THSD1: variants seen among roughly 807,000 people sequenced by gnomAD.
The protein encoded by THSD1 is thrombospondin type-1 domain-containing protein 1.
In THSD1, 34 loss-of-function variants were observed where a neutral mutation model predicts 46.3. The observed-to-expected ratio is 0.74, with a 90% CI of 0.56 to 0.98. THSD1 has a LOEUF of 0.98. Ranked by LOEUF, THSD1 falls within the 50% of genes least tolerant of loss-of-function variation. The pLI, the probability that THSD1 is intolerant of heterozygous loss-of-function variation, is 0.00. For missense variants in THSD1, 1,023 were observed against 1,058.3 expected, an observed-to-expected ratio of 0.97 and a Z score of 0.46; for synonymous variants, 407 against 416.5, an observed-to-expected ratio of 0.98 and a Z score of 0.28.
rs775492022 is a variant in THSD1, at chr13:52,378,502, C to T, written c.1468G>A (p.Gly490Arg). The T allele has an allele frequency of 6.2e-7, 1 of 1,614,200 alleles. No homozygotes were observed. Among genetic ancestry groups the T allele is most frequent in the South Asian group, 1.1e-5 (1 of 91,084 alleles). Reference protein sequence around the residue: ...DGGDGPTGSPGDTGIPLTYRR... With the variant: ...DGGDGPTGSPRDTGIPLTYRR... ...TAGGTCAGAGGGATGCCTGTGTCCC[C>T]TGGACTCCCCGTGGGCCCGTCTCCC... Residue 490 changes from glycine (G) to arginine (R), a missense_variant, in exon 5 of 5, where the codon GGG (glycine) becomes AGG (arginine). This residue lies in a region of THSD1 where 578 missense variants were observed against 497.4 expected (regional missense o/e 1.16). Transcript: ENST00000258613.
At position 52,378,657 on chromosome 13, in the gene THSD1, C is replaced by T; in HGVS notation, c.1313G>A (p.Arg438Lys). The change falls in exon 5 of 5, where the codon AGG (arginine) becomes AAG (lysine). Residue 438 changes from arginine (R) to lysine (K), a missense_variant. Physicochemically the swap from Arg to Lys is conservative, Grantham distance 26. Transcript: ENST00000258613. Reference protein sequence around the residue: ...IATVLITLWRRFGRPAKCSTP... With the variant: ...IATVLITLWRKFGRPAKCSTP... ...GCTGCACTTGGCTGGCCGGCCGAAC[C>T]TCCTCCACAGCGTGATGAGCACAGT... The T allele has an allele frequency of 6.2e-7, 1 of 1,614,078 alleles. No homozygotes were observed. Among genetic ancestry groups the T allele is most frequent in the African/African-American group, 1.3e-5 (1 of 74,994 alleles).
intron 4 of THSD1, among the ~76,000 whole-genome samples, chr13:52,379,109 G>T (rs1294555290): frequency 6.6e-6 from 1 of 151,992 alleles, no homozygotes; most frequent in Non-Finnish European, 1.5e-5. Context: ...TGATCCACCC[G>T]CCTTGGCCTC....
chr13:52,402,000 A>C (rs1000182045), intron 2 of THSD1, among the ~76,000 whole-genome samples: 4 of 152,218 alleles, frequency 2.6e-5, no homozygotes, highest in Non-Finnish European at 5.9e-5. Context: ...AGCACCTACT[A>C]TTTGCTCATT....
rs1441132315 is a variant in THSD1, at chr13:52,381,074, TCTCA to T, written c.1181-2289_1181-2286del. Among the ~76,000 whole-genome samples, 7 of 152,278 alleles carry T rather than the reference TCTCA, an allele frequency of 4.6e-5. No homozygotes were observed. In the East Asian group the frequency reaches 7.7e-4, roughly 17 times the overall value. On this transcript the variant is annotated intron_variant, in intron 4 of 4. Transcript: ENST00000258613. ...CCCACTCTCTAGCTGTGTTCACTACTCTCACTCACTCACTATTACTACATTAAGA... is the reference window on the plus strand; with the variant it reads ...CCCACTCTCTAGCTGTGTTCACTACTCTCACTCACTATTACTACATTAAGA...
rs143493268 is a variant in THSD1 at position 52,378,183 on chromosome 13, G to C, written c.1787C>G (p.Ala596Gly). ...GGGAGGCCTTTCCCCGGCACTGACCGCGGGCTGCTCCGGAAATGGGGATTT... is the reference window on the plus strand; with the variant it reads ...GGGAGGCCTTTCCCCGGCACTGACCCCGGGCTGCTCCGGAAATGGGGATTT... ...RIKSPFPEQP[A>G]VSAGERPPSR... Residue 596 changes from alanine (A) to glycine (G), a missense_variant, in exon 5 of 5, where the codon GCG (alanine) becomes GGG (glycine). Transcript: ENST00000258613. The C allele has an allele frequency of 2.5e-6, 4 of 1,614,078 alleles. No individual in the cohort carries two copies. Among genetic ancestry groups the C allele is most frequent in the Non-Finnish European group, 3.4e-6 (4 of 1,180,038 alleles).
At position 52,383,389 on chromosome 13, in the gene THSD1, T is replaced by C. The variant is rs1022519266; in HGVS notation, c.1180+2639A>G. On this transcript the variant is annotated intron_variant, in intron 4 of 4. Coordinates refer to ENST00000258613, the MANE Select transcript of THSD1 (RefSeq NM_018676.4). Reference sequence around the variant, plus strand: ...ATAGACCATATAATGTAGAACTACATTCAGACCTTGGCATAAGAACATTCT... The same window carrying C: ...ATAGACCATATAATGTAGAACTACACTCAGACCTTGGCATAAGAACATTCT... 7.1e-4 allele frequency among the ~76,000 whole-genome samples: 108 copies of C among 152,344 alleles called. 3 individuals carry two copies. The highest frequency in any genetic ancestry group is 8.8e-5 in the Non-Finnish European group (6 of 68,036).
chr13:52,384,376 C>T (rs1225105322), intron 4 of THSD1: 2 of 455,846 alleles, frequency 4.4e-6, no homozygotes, highest in Non-Finnish European at 8.8e-6. Flanking sequence ...TTTCTAGCTT[C>T]ATGATCTTGG....
chr13:52,390,764 A>G (rs1383029917), intron 3 of THSD1, among the ~76,000 whole-genome samples: 1 of 152,192 alleles, frequency 6.6e-6, no homozygotes, highest in Non-Finnish European at 1.5e-5. Context: ...CTCCATGCTC[A>G]TATTTAGGAC....
rs1212111393 is a variant in THSD1, at chr13:52,397,371, C to A, written c.882G>T (p.Leu294=). 2 of 1,614,178 alleles carry A rather than the reference C, an allele frequency of 1.2e-6. No individual in the cohort carries two copies. The highest frequency in any genetic ancestry group is 4.5e-5 in the East Asian group (2 of 44,880). The change falls in exon 3 of 5, where the codon CTG becomes CTT. Residue 294 remains leucine, a synonymous_variant. Transcript: ENST00000258613. ...AAATTGTCCTCCTCTCTCCCAGGGGCAGGCTGTTTTCAGCCAAGTGAATGG... is the reference window on the plus strand; with the variant it reads ...AAATTGTCCTCCTCTCTCCCAGGGGAAGGCTGTTTTCAGCCAAGTGAATGG... ...KRTIHLAENS[L]PLGERRTIFN...
rs1218887324 is a variant in THSD1 at position 52,397,468 on chromosome 13, G to T, written c.785C>A (p.Pro262His). The change falls in exon 3 of 5, where the codon CCT becomes CAT. Residue 262 changes from proline (P) to histidine (H), a missense_variant. By Grantham distance (77) the Pro-to-His change is moderately conservative. This residue lies in a region of THSD1 where 429 missense variants were observed against 518.3 expected (regional missense o/e 0.83). Coordinates refer to ENST00000258613, the MANE Select transcript of THSD1 (RefSeq NM_018676.4). The part of the protein sequence containing the change: ...CESGVEVTVL[P>H]PPCTFVQGVV... The stretch of plus-strand genomic sequence containing the variant: ...TCCTTGGACGAAGGTGCATGGTGGA[G>T]GCAGCACTGTCACCTCTACCCCGGA... 6.2e-7 allele frequency: 1 copy of T among 1,614,126 alleles called. No individual in the cohort carries two copies. Among genetic ancestry groups the T allele is most frequent in the Non-Finnish European group, 8.5e-7 (1 of 1,180,024 alleles).
intron 3 of THSD1, among the ~76,000 whole-genome samples, chr13:52,394,921 C>T (rs1003876905): frequency 4.6e-5 from 7 of 152,080 alleles, no homozygotes; most frequent in African/African-American, 4.8e-5. Context: ...CAAAGAGGAA[C>T]GAAAAGATGC....
rs756804333 is a variant in THSD1, at chr13:52,397,517, T to C, written c.736A>G (p.Met246Val). 3.3e-5 allele frequency: 54 copies of C among 1,614,120 alleles called. No individual in the cohort carries two copies. Among genetic ancestry groups the C allele is most frequent in the Non-Finnish European group, 4.4e-5 (52 of 1,180,020 alleles). The change falls in exon 3 of 5, where the codon ATG becomes GTG. Residue 246 changes from methionine (M) to valine (V), a missense_variant. Met to Val is a conservative substitution (Grantham distance 21). Transcript: ENST00000258613. ...LAQKFGYKLV[M>V]VPELTCESGV... ...GACTCACATGTGAGTTCTGGCACCA[T>C]CACCAGTTTGTATCCAAATTTCTGG...
chr13:52,377,833 G>A lies in THSD1; in HGVS notation c.2137C>T (p.Gln713Ter). 1.9e-6 allele frequency: 3 copies of A among 1,614,190 alleles called. No homozygotes were observed. The highest frequency in any genetic ancestry group is 2.5e-6 in the Non-Finnish European group (3 of 1,180,046). ...GGACCACGGGTTCCACTTGCCTCTT[G>A]GAAATGCTCCAGTTTTTCAGGAAAC... ...HLFPEKLEHF[Q>*]EASGTRGPLN... is the part of the protein sequence containing the mutation. Residue 713 changes from glutamine to a stop codon, truncating the protein, a stop_gained, in exon 5 of 5, where the codon CAA (glutamine) becomes TAA (stop). Transcript: ENST00000258613. LOFTEE classifies it high-confidence loss of function.
At chr13:52,395,185 A>C (rs1957802507) in intron 3 of THSD1, among the ~76,000 whole-genome samples, 1 of 152,232 alleles carries the variant, frequency 6.6e-6, no homozygotes, top group Admixed American at 6.5e-5. Context: ...ATTTTAAACA[A>C]TCCCTTTGGC....
In THSD1 at chr13:52,397,489, C is replaced by T. The variant is rs758298843; in HGVS notation, c.764G>A (p.Gly255Glu). 1.5e-5 allele frequency: 24 copies of T among 1,613,994 alleles called. No individual in the cohort carries two copies. The highest frequency in any genetic ancestry group is 1.4e-5 in the Non-Finnish European group (17 of 1,180,042). ...VMVPELTCESGVEVTVLPPPC... is the reference protein window; with the variant it reads ...VMVPELTCESEVEVTVLPPPC... The stretch of plus-strand genomic sequence containing the variant: ...TGGAGGCAGCACTGTCACCTCTACC[C>T]CGGACTCACATGTGAGTTCTGGCAC... The change falls in exon 3 of 5, where the codon GGG (glycine) becomes GAG (glutamate). Residue 255 changes from glycine to glutamate, a missense_variant. Gly to Glu is a moderately conservative substitution (Grantham distance 98). This residue lies in a region of THSD1 where 429 missense variants were observed against 518.3 expected (regional missense o/e 0.83). Transcript: ENST00000258613.
rs1957780337 is a variant in THSD1 at position 52,392,367 on chromosome 13, T to C, written c.1021+4865A>G. 2.6e-5 allele frequency among the ~76,000 whole-genome samples: 4 copies of C among 152,152 alleles called. No individual in the cohort carries two copies. In the South Asian group the frequency reaches 8.3e-4, roughly 32 times the overall value. ...ATTTAAGTAGGCAAATATTTGTAAA[T>C]GTCTTAAGTAACTCCATCTGATCCC... On this transcript the variant is annotated intron_variant, in intron 3 of 4. Transcript: ENST00000258613.
rs1253890837 is a variant in THSD1, at chr13:52,398,636, T to C, written c.59-442A>G. On this transcript the variant is annotated intron_variant, in intron 2 of 4. Transcript: ENST00000258613. ...ATCCTGGAAGCTGGCCATTGTGCTC[T>C]TTCCATGGAAGTGGTTCTGTTCCTT... is the stretch of plus-strand genomic sequence containing the variant. The C allele has an allele frequency of 1.9e-5, 19 of 982,600 alleles. No homozygotes were observed. The Admixed American group carries it at 5.5e-4, about 29-fold the overall frequency. 60.9% of individuals were successfully genotyped at this position (982,600 alleles called of 1,614,324 possible). A position where few individuals can be genotyped will look rare whatever the true frequency, so the allele number is the denominator to read the frequency against.
chr13:52,378,863 CTTTTTTTT>C, intron 4 of THSD1, 74 bp from the exon 5 acceptor site: 1 of 1,067,778 alleles, frequency 9.4e-7, no homozygotes, highest in Non-Finnish European at 1.3e-6. Context: ...TTTTTCTTTT[CTTTTTTTT>C]TTTTTTTTTG....
intron 2 of THSD1, among the ~76,000 whole-genome samples, chr13:52,399,564 C>G (rs1037015583): frequency 6.6e-6 from 1 of 152,092 alleles, no homozygotes; most frequent in Admixed American, 6.6e-5. Flanking sequence ...CACATGAATA[C>G]CTTGGCACAC....
Sources: gnomAD v4.1 joint callset for allele counts (sites outside exome capture counted in the v4.1 genomes callset) on GRCh38, gnomAD v4.1.1 for gene constraint, gnomAD v4.1.1 regional missense constraint, MANE v1.5 for transcripts, NCBI Gene and HGNC (gene_info 2026-07-23, HGNC 2026-07-21) for gene names.